Variants in FA2H observed in about 807,000 individuals in gnomAD.
FA2H encodes the protein fatty acid alpha-hydroxylase.
Under a neutral mutation model 44.9 loss-of-function variants are expected in FA2H, and 22 were observed. The observed-to-expected ratio is 0.49, with a 90% CI of 0.35 to 0.70. FA2H has a LOEUF of 0.70. Ranked by LOEUF, FA2H falls within the 30% of genes least tolerant of loss-of-function variation. The probability of loss-of-function intolerance (pLI) is 0.01; values close to 1 mark genes in which losing one functional copy is unlikely to be tolerated. For synonymous variants in FA2H, 243 were observed against 213.2 expected, an observed-to-expected ratio of 1.14 and a Z score of -1.22; for missense variants, 501 against 504.9, an observed-to-expected ratio of 0.99 and a Z score of 0.07.
At chr16:74,731,291 C>G (rs752958483) in intron 2 of FA2H, among the ~76,000 whole-genome samples, 1 of 148,262 alleles carries the variant, frequency 6.7e-6, no homozygotes, top group Admixed American at 6.7e-5. Context: ...CCCACCACCA[C>G]GTCTGGCTTT....
intron 1 of FA2H, among the ~76,000 whole-genome samples, chr16:74,762,729 C>T (rs577329501): frequency 2.6e-5 from 4 of 152,200 alleles, no homozygotes; most frequent in African/African-American, 9.6e-5. Flanking sequence ...GGGGTTTCAC[C>T]ATATTGGTCA....
intron 1 of FA2H, among the ~76,000 whole-genome samples, chr16:74,766,308 T>TGAA (rs1962807543): frequency 9.0e-6 from 1 of 110,874 alleles, no homozygotes; most frequent in Non-Finnish European, 2.0e-5. Flanking sequence ...TCTGTCTCAA[T>TGAA]AAAAAAAAAA....
intron 4 of FA2H, among the ~76,000 whole-genome samples, chr16:74,725,161 T>G (rs944384593): frequency 6.6e-6 from 1 of 152,134 alleles, no homozygotes; most frequent in South Asian, 2.1e-4. Flanking sequence ...TGGGCTGGAT[T>G]TGGGGGAACT....
chr16:74,751,973 C>T (rs943718195), intron 1 of FA2H, among the ~76,000 whole-genome samples: 1 of 152,174 alleles, frequency 6.6e-6, no homozygotes, highest in Admixed American at 6.5e-5. Context: ...ACATGGACAC[C>T]CACCCCAGTA....
At chr16:74,741,615 C>A (rs1419561405) in intron 1 of FA2H, among the ~76,000 whole-genome samples, 1 of 151,692 alleles carries the variant, frequency 6.6e-6, no homozygotes, top group Admixed American at 6.6e-5. Flanking sequence ...TGCACATGAC[C>A]ACACCCAGCT....
intron 1 of FA2H, among the ~76,000 whole-genome samples, chr16:74,748,789 C>T (rs1281076508): frequency 1.3e-5 from 2 of 152,164 alleles, no homozygotes; most frequent in Non-Finnish European, 1.5e-5. Context: ...GGGGCGGGGG[C>T]GCCGGCATAA....
chr16:74,742,550 A>G (rs954086264), intron 1 of FA2H, among the ~76,000 whole-genome samples: 1 of 152,210 alleles, frequency 6.6e-6, no homozygotes, highest in African/African-American at 2.4e-5. Context: ...AAAATATTTC[A>G]AAGGCAGGCA....
intron 1 of FA2H, among the ~76,000 whole-genome samples, chr16:74,755,021 C>T (rs1962589243): frequency 6.6e-6 from 1 of 152,168 alleles, no homozygotes; most frequent in Non-Finnish European, 1.5e-5. Flanking sequence ...CAAGAAACAC[C>T]AAAGGACAGC....
At chr16:74,759,608 T>A (rs1279714171) in intron 1 of FA2H, among the ~76,000 whole-genome samples, 1 of 152,222 alleles carries the variant, frequency 6.6e-6, no homozygotes, top group Non-Finnish European at 1.5e-5. Flanking sequence ...CATTTAAAAT[T>A]CCCTTACTTT....
intron 4 of FA2H, among the ~76,000 whole-genome samples, chr16:74,720,214 G>A (rs550822714): frequency 4.1e-5 from 2 of 48,950 alleles, no homozygotes; most frequent in East Asian, 1.1e-3. Context: ...TTTTTTTTGT[G>A]AGATAGAGTC....
intron 2 of FA2H, among the ~76,000 whole-genome samples, chr16:74,728,074 G>A (rs1394743492): frequency 2.0e-5 from 3 of 152,150 alleles, no homozygotes; most frequent in East Asian, 1.9e-4. Context: ...GCCATTTACT[G>A]TGTGATTTCT....
intron 1 of FA2H, among the ~76,000 whole-genome samples, chr16:74,750,718 AGACAAGTCCATTGGATT>A (rs1394817871): frequency 1.3e-5 from 2 of 151,296 alleles, no homozygotes; most frequent in Non-Finnish European, 2.9e-5. Flanking sequence ...GTGTTCTAGA[AGACAAGTCCATTGGATT>A]CAGGCCTATG....
chr16:74,723,524 C>T (rs1361663879), intron 4 of FA2H, among the ~76,000 whole-genome samples: 2 of 152,144 alleles, frequency 1.3e-5, no homozygotes, highest in Non-Finnish European at 2.9e-5. Context: ...CGTCTTCCTC[C>T]TTCTTCCCGC....
intron 4 of FA2H, among the ~76,000 whole-genome samples, chr16:74,724,138 G>A (rs1961898387): frequency 6.6e-6 from 1 of 152,142 alleles, no homozygotes; most frequent in Non-Finnish European, 1.5e-5. Flanking sequence ...CTGACCTCAG[G>A]TGATCCACCC....
intron 1 of FA2H, among the ~76,000 whole-genome samples, chr16:74,747,158 A>G (rs1962439241): frequency 6.6e-6 from 1 of 152,048 alleles, no homozygotes; most frequent in African/African-American, 2.4e-5. Flanking sequence ...TAAAAATACA[A>G]AAATTAGCCA....
chr16:74,743,746 A>C (rs534456347), intron 1 of FA2H, among the ~76,000 whole-genome samples: 136 of 152,264 alleles, frequency 8.9e-4, no homozygotes, highest in Middle Eastern at 6.8e-3. Flanking sequence ...CTGGCAAATA[A>C]GCCCCAGACT....
intron 2 of FA2H, among the ~76,000 whole-genome samples, chr16:74,728,039 G>A (rs1961995003): frequency 6.6e-6 from 1 of 152,194 alleles, no homozygotes; most frequent in East Asian, 1.9e-4. Context: ...AGACTCGGAA[G>A]TCAGGCCTGG....
chr16:74,718,905 C>A, intron 5 of FA2H, 83 bp downstream of exon 5: 1 of 1,514,550 alleles, frequency 6.6e-7, no homozygotes, highest in Non-Finnish European at 9.0e-7. Context: ...CAGGAGGCTC[C>A]GCAGCACCTG....
At position 74,772,639 on chromosome 16, in the gene FA2H, C is replaced by T. The variant is rs371746794; in HGVS notation, c.270+1847G>A. Reference sequence around the variant, plus strand: ...TCAACCAAAGATCTAAGAGTAGTTGCTGGGCTCATCTTGAAAGCAAGAGTT... The same window carrying T: ...TCAACCAAAGATCTAAGAGTAGTTGTTGGGCTCATCTTGAAAGCAAGAGTT... On this transcript the variant is annotated intron_variant, in intron 1 of 6. Transcript: ENST00000219368. Among the ~76,000 whole-genome samples, 12 of 152,296 alleles carry T rather than the reference C, an allele frequency of 7.9e-5. No individual in the cohort carries two copies. The East Asian group carries it at 2.1e-3, about 27-fold the overall frequency.
Sources: gnomAD v4.1 joint callset for allele counts (sites outside exome capture counted in the v4.1 genomes callset) on GRCh38, gnomAD v4.1.1 for gene constraint, MANE v1.5 for transcripts, NCBI Gene and HGNC (gene_info 2026-07-23, HGNC 2026-07-21) for gene names.